Variants in MEI1 observed in about 807,000 individuals in gnomAD.
MEI1 encodes meiosis inhibitor protein 1.
In MEI1, 103 loss-of-function variants were observed where a neutral mutation model predicts 146.2. That is an observed-to-expected ratio of 0.70 (90% CI 0.60 to 0.83). The LOEUF is 0.83. Among genes scored for constraint, MEI1 ranks in the 40% least tolerant of loss-of-function variants. The pLI is 0.00. For missense variants in MEI1, 1,529 were observed against 1,533.0 expected (o/e 1.00, Z 0.04); for synonymous variants, 652 against 628.2 (o/e 1.04, Z -0.57).
intron 22 of MEI1, among the ~76,000 whole-genome samples, chr22:41,781,046 T>TA (rs2075733972): frequency 6.6e-6 from 1 of 152,258 alleles, no homozygotes; most frequent in Non-Finnish European, 1.5e-5. Context: ...TTTGAAATCC[T>TA]AAAGTCTTTC....
In MEI1 at chr22:41,799,311, T is replaced by G. The variant is rs1328248916; in HGVS notation, c.*12T>G. On this transcript the variant is annotated 3_prime_UTR_variant, in exon 31 of 31. Transcript: ENST00000401548. ...ACATCAGAAACTGATCCTCAGGACT[T>G]GAAGGCCCAGAAGTGGAGAGAGAAT... The G allele has an allele frequency of 5.6e-6, 9 of 1,613,180 alleles. No individual in the cohort carries two copies. The highest frequency in any genetic ancestry group is 7.6e-6 in the Non-Finnish European group (9 of 1,179,404).
intron 3 of MEI1, among the ~76,000 whole-genome samples, chr22:41,708,924 C>T (rs911719334): frequency 8.7e-4 from 132 of 152,064 alleles, no homozygotes; most frequent in African/African-American, 2.9e-3. Context: ...TTTTCCATAC[C>T]ACAAGGCTTT....
intron 9 of MEI1, 99 bp from the exon 10 acceptor site, chr22:41,732,146 C>T: frequency 1.1e-6 from 1 of 919,744 alleles, no homozygotes; most frequent in Non-Finnish European, 1.7e-6. Flanking sequence ...TGGCCTCCAA[C>T]TCATACATGC....
chr22:41,783,931 C>T (rs1000057036), intron 24 of MEI1, among the ~76,000 whole-genome samples: 7 of 152,206 alleles, frequency 4.6e-5, no homozygotes, highest in Non-Finnish European at 7.3e-5. Context: ...AATCCTCTCA[C>T]CTCAGCCACC....
At chr22:41,714,958 T>C (rs915539051) in intron 4 of MEI1, among the ~76,000 whole-genome samples, 1 of 152,202 alleles carries the variant, frequency 6.6e-6, no homozygotes, top group Non-Finnish European at 1.5e-5. Context: ...TAACTTTTTA[T>C]TTAATTTGCA....
In MEI1 at chr22:41,729,731, C is replaced by G. The variant is rs2147546924; in HGVS notation, c.931C>G (p.His311Asp). 6.2e-7 allele frequency: 1 copy of G among 1,611,974 alleles called. No individual in the cohort carries two copies. The highest frequency in any genetic ancestry group is 1.1e-5 in the South Asian group (1 of 90,470). ...SAHCITAVLV[H>D]SPAKHASAFI... ...TCACTGTATAACTGCGGTGCTTGTC[C>G]ACTCCCCAGCAAAGCATGCGTCAGC... Residue 311 changes from histidine (H) to aspartate (D), a missense_variant, in exon 8 of 31, where the codon CAC (histidine) becomes GAC (aspartate). Around this residue, in one of 3 missense-constraint regions of MEI1, gnomAD observed 1,212 missense variants for 1,178.9 expected, o/e 1.03. Coordinates refer to ENST00000401548, the MANE Select transcript of MEI1 (RefSeq NM_152513.4).
At chr22:41,770,058 C>T (rs1410082590) in intron 19 of MEI1, among the ~76,000 whole-genome samples, 8 of 151,662 alleles carry the variant, frequency 5.3e-5, no homozygotes, top group Admixed American at 1.3e-4. Flanking sequence ...CACTTGAACC[C>T]GGGAGGCAGA....
intron 3 of MEI1, among the ~76,000 whole-genome samples, chr22:41,709,827 A>C (rs115579435): frequency 1.4e-3 from 219 of 152,192 alleles, no homozygotes; most frequent in African/African-American, 5.2e-3. Flanking sequence ...GAGGCCTCAA[A>C]ATGGCCAGAT....
chr22:41,746,593 T>G (rs1270779924), intron 14 of MEI1, among the ~76,000 whole-genome samples: 1 of 152,102 alleles, frequency 6.6e-6, no homozygotes, highest in Non-Finnish European at 1.5e-5. Flanking sequence ...TGAGCTGACT[T>G]GAGGTTGAGA....
At chr22:41,777,243 C>T (rs899303331) in intron 21 of MEI1, among the ~76,000 whole-genome samples, 4 of 151,304 alleles carry the variant, frequency 2.6e-5, no homozygotes, top group Admixed American at 1.3e-4. Context: ...GCAACCTTCA[C>T]GTCCTGGGTT....
intron 19 of MEI1, among the ~76,000 whole-genome samples, chr22:41,767,313 A>G (rs966049382): frequency 1.3e-5 from 2 of 152,204 alleles, no homozygotes; most frequent in Non-Finnish European, 2.9e-5. Context: ...TCCTGGGTCC[A>G]CATTCTCGTT....
intron 11 of MEI1, among the ~76,000 whole-genome samples, chr22:41,737,637 G>T (rs992728576): frequency 1.1e-4 from 17 of 152,040 alleles, no homozygotes; most frequent in Admixed American, 9.8e-4. Context: ...TGCCTTCTGG[G>T]TTCAAGCAAT....
chr22:41,718,116 A>AG lies in MEI1; in HGVS notation c.578dup (p.Ile194HisfsTer20). 6.2e-7 allele frequency: 1 copy of AG among 1,613,450 alleles called. No homozygotes were observed. The highest frequency in any genetic ancestry group is 8.5e-7 in the Non-Finnish European group (1 of 1,179,848). On this transcript the variant is annotated frameshift_variant, in exon 6 of 31. Coordinates refer to ENST00000401548, the MANE Select transcript of MEI1 (RefSeq NM_152513.4). LOFTEE classifies it high-confidence loss of function. ...TTGAGAGGCTTAGTATACCCCAGTG[A>AG]GGGCATACAAGCTTCTGTCTGTTAC...
chr22:41,752,096 G>C (rs1205249350), intron 15 of MEI1, among the ~76,000 whole-genome samples: 1 of 151,768 alleles, frequency 6.6e-6, no homozygotes, highest in Non-Finnish European at 1.5e-5. Context: ...AAAAGAAACT[G>C]TTATTGGACC....
intron 19 of MEI1, among the ~76,000 whole-genome samples, chr22:41,763,591 T>G (rs577417925): frequency 6.6e-6 from 1 of 151,984 alleles, no homozygotes; most frequent in Non-Finnish European, 1.5e-5. Context: ...GGCTCACGTC[T>G]ATAATCCCAG....
At chr22:41,733,937 G>A (rs554262971) in intron 11 of MEI1, among the ~76,000 whole-genome samples, 5 of 151,774 alleles carry the variant, frequency 3.3e-5, no homozygotes, top group African/African-American at 9.7e-5. Context: ...GACCAGCCTG[G>A]CCAACATGTA....
intron 11 of MEI1, among the ~76,000 whole-genome samples, chr22:41,733,525 G>A (rs141701550): frequency 6.6e-6 from 1 of 152,090 alleles, no homozygotes; most frequent in African/African-American, 2.4e-5. Context: ...GGGAGACCAA[G>A]GCAGGTGGAT....
chr22:41,731,266 G>A (rs1180023903), intron 9 of MEI1, among the ~76,000 whole-genome samples: 1 of 151,900 alleles, frequency 6.6e-6, no homozygotes, highest in Non-Finnish European at 1.5e-5. Flanking sequence ...TGTTGTCCAA[G>A]CTGGTCTCAA....
intron 7 of MEI1, 30 bp from the exon 8 acceptor site, chr22:41,729,635 T>C: frequency 6.9e-7 from 1 of 1,451,626 alleles, no homozygotes; most frequent in South Asian, 1.2e-5. Context: ...GTGGTGTGAC[T>C]GGGGTACTTT....
Sources: allele counts gnomAD v4.1 joint callset (sites outside exome capture counted in the v4.1 genomes callset), GRCh38; gene constraint gnomAD v4.1.1; regional missense constraint gnomAD v4.1.1; transcripts MANE v1.5; gene names NCBI Gene and HGNC (gene_info 2026-07-23, HGNC 2026-07-21).